The following EYS variants were observed in gnomAD, a reference collection of about 807,000 sequenced individuals.
EYS encodes protein eyes shut homolog.
A neutral mutation model predicts 282.1 loss-of-function variants in EYS; 250 were observed. That is an observed-to-expected ratio of 0.89 (90% CI 0.80 to 0.98). The LOEUF is 0.98. EYS is among the 50% of genes least tolerant of loss of function. The probability of loss-of-function intolerance (pLI) is 0.00; values close to 1 mark genes in which losing one functional copy is unlikely to be tolerated. For missense variants in EYS, 4,016 were observed against 3,709.0 expected, an observed-to-expected ratio of 1.08 and a Z score of -2.15; for synonymous variants, 1,355 against 1,282.9, an observed-to-expected ratio of 1.06 and a Z score of -1.20.
At chr6:63,928,524 CTGTGTGTG>C (rs6149619) in intron 35 of EYS, among the ~76,000 whole-genome samples, 6,852 of 149,386 alleles carry the variant, frequency 0.046, 440 homozygotes, top group African/African-American at 0.15. Flanking sequence ...CACCTTTTGA[CTGTGTGTG>C]TGTGTGTGTG....
intron 26 of EYS, among the ~76,000 whole-genome samples, chr6:64,447,926 G>A (rs1039735471): frequency 8.5e-5 from 13 of 152,304 alleles, no homozygotes; most frequent in South Asian, 2.1e-4. Context: ...ATAGCAATCC[G>A]TAAGGATAGA....
chr6:64,009,439 A>G (rs1053399228), intron 33 of EYS, among the ~76,000 whole-genome samples: 14 of 129,720 alleles, frequency 1.1e-4, no homozygotes, highest in African/African-American at 4.7e-4. Flanking sequence ...ACCCACCACC[A>G]CGCAAGGCTA....
intron 29 of EYS, among the ~76,000 whole-genome samples, chr6:64,341,573 G>A (rs1217664870): frequency 6.6e-6 from 1 of 151,574 alleles, no homozygotes; most frequent in Non-Finnish European, 1.5e-5. Flanking sequence ...TACATGGGTG[G>A]AAAAACTACC....
chr6:64,032,167 G>A (rs1473920246), intron 33 of EYS, among the ~76,000 whole-genome samples: 5 of 151,820 alleles, frequency 3.3e-5, no homozygotes, highest in Admixed American at 2.6e-4. Flanking sequence ...CTCCTGAGGC[G>A]GCGAGACCAC....
intron 19 of EYS, among the ~76,000 whole-genome samples, chr6:64,851,378 A>C (rs1336923059): frequency 6.6e-6 from 1 of 152,110 alleles, no homozygotes; most frequent in African/African-American, 2.4e-5. Context: ...AGAAGCAAAT[A>C]ATTTATGTTC....
intron 31 of EYS, among the ~76,000 whole-genome samples, chr6:64,127,538 C>T (rs1417907930): frequency 3.3e-5 from 5 of 151,972 alleles, no homozygotes; most frequent in Non-Finnish European, 5.9e-5. Context: ...AATGATTTCT[C>T]CATGTTTCCA....
intron 26 of EYS, among the ~76,000 whole-genome samples, chr6:64,472,284 G>A (rs1264149738): frequency 6.6e-6 from 1 of 152,154 alleles, no homozygotes; most frequent in Non-Finnish European, 1.5e-5. Context: ...TTTGATAGAG[G>A]TGAGAAGGAG....
At chr6:64,778,857 C>T (rs1262687138) in intron 22 of EYS, among the ~76,000 whole-genome samples, 4 of 152,082 alleles carry the variant, frequency 2.6e-5, no homozygotes, top group Non-Finnish European at 4.4e-5. Context: ...CCAATAGATG[C>T]TTCACCAAAT....
At chr6:64,135,603 C>T (rs545681452) in intron 31 of EYS, among the ~76,000 whole-genome samples, 255 of 152,088 alleles carry the variant, frequency 1.7e-3, no homozygotes, top group African/African-American at 5.7e-3. Flanking sequence ...AGAAGGAGTA[C>T]AGGCATACTT....
intron 22 of EYS, among the ~76,000 whole-genome samples, chr6:64,757,789 TTG>T (rs1319357164): frequency 2.0e-3 from 292 of 147,384 alleles, no homozygotes; most frequent in African/African-American, 6.7e-3. Flanking sequence ...TGTGTGTGTT[TTG>T]TTTGTTTGTT....
intron 12 of EYS, among the ~76,000 whole-genome samples, chr6:65,221,673 G>A (rs2150259691): frequency 6.6e-6 from 1 of 152,316 alleles, no homozygotes; most frequent in African/African-American, 2.4e-5. Context: ...GCCCACTGGG[G>A]CACTGCCTAG....
chr6:64,465,653 A>G (rs1212028285), intron 26 of EYS, among the ~76,000 whole-genome samples: 1 of 152,118 alleles, frequency 6.6e-6, no homozygotes, highest in Non-Finnish European at 1.5e-5. Flanking sequence ...AGTTGAAGAA[A>G]ACATTGAGGA....
At chr6:65,266,730 T>G (rs1174011815) in intron 12 of EYS, among the ~76,000 whole-genome samples, 1 of 151,576 alleles carries the variant, frequency 6.6e-6, no homozygotes, top group South Asian at 2.1e-4. Flanking sequence ...AAAAACTAGT[T>G]CATTAGTATC....
chr6:63,834,063 G>A (rs756822938), intron 36 of EYS, among the ~76,000 whole-genome samples: 4 of 152,240 alleles, frequency 2.6e-5, no homozygotes, highest in Admixed American at 1.3e-4. Context: ...ATTAATTCAA[G>A]ATGGATTAAA....
chr6:63,940,127 T>C (rs960688343), intron 35 of EYS, among the ~76,000 whole-genome samples: 3 of 152,218 alleles, frequency 2.0e-5, no homozygotes, highest in African/African-American at 7.2e-5. Flanking sequence ...TCTTGTTTAG[T>C]GCATCTTGAA....
intron 2 of EYS, among the ~76,000 whole-genome samples, chr6:65,522,222 T>A (rs4710294): frequency 6.6e-6 from 1 of 152,100 alleles, no homozygotes; most frequent in Non-Finnish European, 1.5e-5. Flanking sequence ...AAATTGAAAA[T>A]AAGATTCTAT....
chr6:65,698,222 T>C (rs1430241221), intron 1 of EYS, among the ~76,000 whole-genome samples: 9 of 152,294 alleles, frequency 5.9e-5, no homozygotes, highest in African/African-American at 1.4e-4. Flanking sequence ...CTTCCGTACA[T>C]AGATGACTTG....
At chr6:65,271,815 G>T (rs12210878) in intron 12 of EYS, among the ~76,000 whole-genome samples, 1 of 151,866 alleles carries the variant, frequency 6.6e-6, no homozygotes, top group Non-Finnish European at 1.5e-5. Flanking sequence ...AACTCCTGAC[G>T]TCAAGCGATC....
intron 26 of EYS, among the ~76,000 whole-genome samples, chr6:64,512,645 A>T (rs1279297223): frequency 6.6e-6 from 1 of 152,008 alleles, no homozygotes; most frequent in African/African-American, 2.4e-5. Flanking sequence ...AGGCAAAGAA[A>T]GAAATGAAAG....
Sources: allele counts gnomAD v4.1 joint callset (sites outside exome capture counted in the v4.1 genomes callset), GRCh38; gene constraint gnomAD v4.1.1; transcripts MANE v1.5; gene names NCBI Gene and HGNC (gene_info 2026-07-23, HGNC 2026-07-21).